Variants in OSMR observed in about 807,000 individuals in gnomAD.
OSMR encodes the protein oncostatin-M-specific receptor subunit beta.
Under a neutral mutation model 99.9 loss-of-function variants are expected in OSMR, and 81 were observed. That is an observed-to-expected ratio of 0.81 (90% CI 0.68 to 0.97). OSMR has a LOEUF of 0.97. Ranked by LOEUF, OSMR falls within the 50% of genes least tolerant of loss-of-function variation. The pLI, the probability that OSMR is intolerant of heterozygous loss-of-function variation, is 0.00. For synonymous variants in OSMR, 406 were observed against 410.4 expected (o/e 0.99, Z 0.13); for missense variants, 1,099 against 1,153.4 (o/e 0.95, Z 0.68).
chr5:38,864,962 TTCTC>T (rs917963440), intron 1 of OSMR, among the ~76,000 whole-genome samples: 4 of 152,342 alleles, frequency 2.6e-5, no homozygotes, highest in South Asian at 2.1e-4. Context: ...ATCTCTGTCT[TTCTC>T]TCTCTGTCTG....
chr5:38,904,611 C>G, intron 9 of OSMR, 108 bp downstream of exon 9: 1 of 1,348,170 alleles, frequency 7.4e-7, no homozygotes, highest in Admixed American at 1.8e-5. Context: ...AATATTTAAA[C>G]AGAGGCGGGG....
intron 7 of OSMR, among the ~76,000 whole-genome samples, chr5:38,887,505 A>G (rs1743861896): frequency 1.3e-5 from 2 of 152,094 alleles, no homozygotes; most frequent in South Asian, 4.2e-4. Flanking sequence ...CTCTTTCACT[A>G]TTATGAAAGT....
At chr5:38,938,678 G>C (rs1380177470), downstream of OSMR, 2 of 232,494 alleles carry the variant, frequency 8.6e-6, no homozygotes, top group African/African-American at 2.2e-5. Flanking sequence ...AAGAAGAAAA[G>C]AATGCTCCTA....
intron 2 of OSMR, among the ~76,000 whole-genome samples, chr5:38,870,330 C>CTTTT (rs374861159): frequency 1.0e-4 from 12 of 115,134 alleles, no homozygotes; most frequent in Admixed American, 1.9e-4. Context: ...GAATGATTTT[C>CTTTT]TTTTTTTTTT....
rs150035150 is a variant in OSMR at position 38,880,695 on chromosome 5, A to G, written c.247-898A>G. 5.2e-3 allele frequency among the ~76,000 whole-genome samples: 795 copies of G among 152,362 alleles called. 9 individuals carry two copies. Among genetic ancestry groups the G allele is most frequent in the African/African-American group, 0.018 (733 of 41,578 alleles). ...CCTGAGCAAAGACAGGTCTGAAAGCATAAGGCATATCCAGAAGTGTGGGGG... is the reference window on the plus strand; with the variant it reads ...CCTGAGCAAAGACAGGTCTGAAAGCGTAAGGCATATCCAGAAGTGTGGGGG... On this transcript the variant is annotated intron_variant, in intron 3 of 17. Coordinates refer to ENST00000274276, the MANE Select transcript of OSMR (RefSeq NM_003999.3).
Position 38,925,370 on chromosome 5 carries a change from C to A in OSMR, c.2211C>A (p.His737Gln). The change falls in exon 15 of 18, where the codon CAC (histidine) becomes CAA (glutamine). Residue 737 changes from histidine to glutamine, a missense_variant and splice_region_variant. Transcript: ENST00000274276. ...TFTKVTTPDE[H>Q]SSMLIHILLP... is the part of the protein sequence containing the mutation. ...CGAAGGTCACGACTCCGGATGAACA[C>A]TGTGAGTTTTCCCAAATCAAAGTTC... 6.2e-7 allele frequency: 1 copy of A among 1,613,068 alleles called. No individual in the cohort carries two copies. The highest frequency in any genetic ancestry group is 1.3e-5 in the African/African-American group (1 of 75,028).
intron 15 of OSMR, among the ~76,000 whole-genome samples, chr5:38,931,238 C>T (rs1296027637): frequency 6.6e-6 from 1 of 151,962 alleles, no homozygotes; most frequent in East Asian, 1.9e-4. Context: ...TAACAAACAC[C>T]CTCAAAAGCT....
intron 1 of OSMR, among the ~76,000 whole-genome samples, chr5:38,850,910 C>A (rs1439747931): frequency 1.3e-5 from 2 of 152,148 alleles, no homozygotes; most frequent in Non-Finnish European, 2.9e-5. Flanking sequence ...TATGATTTTT[C>A]TACTCAGGAC....
intron 15 of OSMR, among the ~76,000 whole-genome samples, chr5:38,928,574 C>T (rs949005358): frequency 6.6e-6 from 1 of 152,076 alleles, no homozygotes; most frequent in Non-Finnish European, 1.5e-5. Context: ...ATCACAAGAA[C>T]AGCAGCATGG....
intron 9 of OSMR, among the ~76,000 whole-genome samples, chr5:38,915,049 A>G (rs1201536018): frequency 1.3e-5 from 2 of 152,212 alleles, no homozygotes; most frequent in Non-Finnish European, 2.9e-5. Context: ...AGTAAAATGT[A>G]ATAGGGAGGG....
Position 38,884,047 on chromosome 5 carries a change from C to G in OSMR, c.639C>G (p.Ile213Met). 6.2e-7 allele frequency: 1 copy of G among 1,613,992 alleles called. No individual in the cohort carries two copies. The highest frequency in any genetic ancestry group is 8.5e-7 in the Non-Finnish European group (1 of 1,179,886). ...VPFIRNKGTN[I>M]YCEASQGNVS... ...TCATTAGGAATAAAGGGACAAATATCTATTGTGAGGCAAGTCAAGGAAATG... is the reference window on the plus strand; with the variant it reads ...TCATTAGGAATAAAGGGACAAATATGTATTGTGAGGCAAGTCAAGGAAATG... Residue 213 changes from isoleucine to methionine, a missense_variant, in exon 5 of 18, where the codon ATC becomes ATG. By Grantham distance (10) the Ile-to-Met change is conservative. Transcript: ENST00000274276.
At position 38,933,062 on chromosome 5, in the gene OSMR, G is replaced by T. The variant is rs151187986; in HGVS notation, c.2558G>T (p.Cys853Phe). 23 of 1,614,048 alleles carry T rather than the reference G, an allele frequency of 1.4e-5. No individual in the cohort carries two copies. The highest frequency in any genetic ancestry group is 3.3e-5 in the Admixed American group (2 of 60,008). Reference protein sequence around the residue: ...TEKNHSGPGPCICFENLTYNQ... With the variant: ...TEKNHSGPGPFICFENLTYNQ... The stretch of plus-strand genomic sequence containing the variant: ...AAGAATCACTCTGGCCCTGGCCCCT[G>T]CATCTGTTTTGAGAACTTGACCTAT... Residue 853 changes from cysteine to phenylalanine, a missense_variant, in exon 18 of 18, where the codon TGC becomes TTC. Cys to Phe is a radical substitution (Grantham distance 205, BLOSUM62 -2). Coordinates refer to ENST00000274276, the MANE Select transcript of OSMR (RefSeq NM_003999.3).
chr5:38,891,795 G>A (rs3792860), intron 7 of OSMR, among the ~76,000 whole-genome samples: 26,272 of 152,168 alleles, frequency 0.17, 2,769 homozygotes, highest in Admixed American at 0.24. Flanking sequence ...GCCACGGTGC[G>A]GAGGAGTGGC....
At chr5:38,861,279 T>G (rs561960269) in intron 1 of OSMR, among the ~76,000 whole-genome samples, 6 of 152,254 alleles carry the variant, frequency 3.9e-5, no homozygotes, top group African/African-American at 1.4e-4. Flanking sequence ...CCTTCCGCAG[T>G]GTTTGTGTCC....
At chr5:38,911,127 CTA>C (rs1010371193) in intron 9 of OSMR, among the ~76,000 whole-genome samples, 1 of 152,088 alleles carries the variant, frequency 6.6e-6, no homozygotes, top group Non-Finnish European at 1.5e-5. Context: ...ATGCAAAAAA[CTA>C]TACAAAAGAT....
chr5:38,855,787 C>T (rs1337236110), intron 1 of OSMR, among the ~76,000 whole-genome samples: 2 of 151,488 alleles, frequency 1.3e-5, no homozygotes, highest in African/African-American at 2.4e-5. Flanking sequence ...ATCTCTCATC[C>T]TTGCAGGCTT....
intron 1 of OSMR, among the ~76,000 whole-genome samples, chr5:38,862,413 C>CGG (rs57078094): frequency 8.2e-6 from 1 of 121,842 alleles, no homozygotes; most frequent in Non-Finnish European, 1.7e-5. Flanking sequence ...GCTGGCCGGG[C>CGG]GGGGGCTGAC....
chr5:38,892,674 A>T (rs1744237118), intron 7 of OSMR, among the ~76,000 whole-genome samples: 1 of 152,172 alleles, frequency 6.6e-6, no homozygotes. Flanking sequence ...TTGAGTCATG[A>T]GATTATGCTG....
At chr5:38,880,242 G>A (rs1278361130) in intron 3 of OSMR, among the ~76,000 whole-genome samples, 1 of 152,152 alleles carries the variant, frequency 6.6e-6, no homozygotes, top group Non-Finnish European at 1.5e-5. Context: ...GCCAAGCAGT[G>A]TGTGACATGT....
Sources: allele counts gnomAD v4.1 joint callset (sites outside exome capture counted in the v4.1 genomes callset), GRCh38; gene constraint gnomAD v4.1.1; transcripts MANE v1.5; gene names NCBI Gene and HGNC (gene_info 2026-07-23, HGNC 2026-07-21).